Variants in NEGR1 observed in about 807,000 individuals in gnomAD.
The protein encoded by NEGR1 is neuronal growth regulator 1.
NEGR1 carries 10 observed loss-of-function variants against 40.9 expected under a neutral mutation model. That is an observed-to-expected ratio of 0.24 (90% CI 0.15 to 0.42). The LOEUF is 0.42. Ranked by LOEUF, NEGR1 falls within the 10% of genes least tolerant of loss-of-function variation. NEGR1 has a pLI of 1.00. For synonymous variants in NEGR1, 185 were observed against 166.8 expected, an observed-to-expected ratio of 1.11 and a Z score of -0.84; for missense variants, 352 against 438.9, an observed-to-expected ratio of 0.80 and a Z score of 1.77.
rs572497380 is a variant in NEGR1, at chr1:71,871,753, T to C, written c.409+63326A>G. The stretch of plus-strand genomic sequence containing the variant: ...TAGTTTTTATTGAGGCACAGATATA[T>C]TGTTTTTTTATTTGTTTCAGAAGAA... On this transcript the variant is annotated intron_variant, in intron 2 of 6. Transcript: ENST00000357731. 1.6e-3 allele frequency among the ~76,000 whole-genome samples: 239 copies of C among 152,318 alleles called. 2 individuals carry two copies. The highest frequency in any genetic ancestry group is 5.5e-3 in the African/African-American group (227 of 41,576).
chr1:71,997,179 C>T (rs528237153), intron 1 of NEGR1, among the ~76,000 whole-genome samples: 12 of 152,010 alleles, frequency 7.9e-5, no homozygotes, highest in African/African-American at 1.9e-4. Flanking sequence ...TGACTAAAAT[C>T]GAAGTTCTCA....
intron 2 of NEGR1, among the ~76,000 whole-genome samples, chr1:71,805,497 G>A (rs1309680077): frequency 6.6e-6 from 1 of 152,134 alleles, no homozygotes; most frequent in African/African-American, 2.4e-5. Flanking sequence ...AGGGAAAATA[G>A]ATAAGAACCT....
intron 2 of NEGR1, among the ~76,000 whole-genome samples, chr1:71,804,156 T>A (rs1429501711): frequency 6.6e-6 from 1 of 152,218 alleles, no homozygotes. Flanking sequence ...ATAAAGTTGG[T>A]ATTCTATGTA....
chr1:71,505,819 C>G (rs1355611610), intron 6 of NEGR1, among the ~76,000 whole-genome samples: 2 of 152,122 alleles, frequency 1.3e-5, no homozygotes, highest in African/African-American at 4.8e-5. Flanking sequence ...TGGATGAATT[C>G]CAACCTTCCA....
chr1:71,480,276 A>G (rs1646845653), intron 6 of NEGR1, among the ~76,000 whole-genome samples: 1 of 151,852 alleles, frequency 6.6e-6, no homozygotes, highest in Non-Finnish European at 1.5e-5. Flanking sequence ...AATTTTGGAG[A>G]CAAAGAAACT....
At chr1:72,272,296 G>T (rs976412552) in intron 1 of NEGR1, among the ~76,000 whole-genome samples, 13 of 151,544 alleles carry the variant, frequency 8.6e-5, no homozygotes, top group African/African-American at 2.9e-4. Context: ...TCAACATTCA[G>T]GTTTTGAACG....
chr1:72,156,249 T>C (rs1157734203), intron 1 of NEGR1, among the ~76,000 whole-genome samples: 4 of 152,164 alleles, frequency 2.6e-5, no homozygotes, highest in African/African-American at 9.7e-5. Context: ...AATAATCCTT[T>C]GGATTCCTGT....
At chr1:71,704,911 C>T (rs1455529031) in intron 3 of NEGR1, among the ~76,000 whole-genome samples, 4 of 151,556 alleles carry the variant, frequency 2.6e-5, no homozygotes, top group East Asian at 3.9e-4. Flanking sequence ...GATAATACAC[C>T]ATGATCAAGT....
At position 71,541,010 on chromosome 1, in the gene NEGR1, C is replaced by T. The variant is rs144023208; in HGVS notation, c.940+51807G>A. Among the ~76,000 whole-genome samples the T allele has an allele frequency of 2.6e-5, 4 of 151,662 alleles. No homozygotes were observed. The East Asian group carries it at 7.9e-4, about 30-fold the overall frequency. On this transcript the variant is annotated intron_variant, in intron 6 of 6. Transcript: ENST00000357731. ...TCATGAGAACTCACTATTGCAAAGA[C>T]AGCACCAAGCCATGAGGGATCCACC...
At chr1:71,851,701 C>T (rs1429908791) in intron 2 of NEGR1, among the ~76,000 whole-genome samples, 1 of 152,032 alleles carries the variant, frequency 6.6e-6, no homozygotes, top group Non-Finnish European at 1.5e-5. Context: ...AGAATCATTA[C>T]AGAAACTGTA....
intron 1 of NEGR1, among the ~76,000 whole-genome samples, chr1:72,153,892 T>C (rs1651257232): frequency 1.3e-5 from 2 of 151,814 alleles, no homozygotes; most frequent in Non-Finnish European, 2.9e-5. Flanking sequence ...TATGAAATTC[T>C]TATAATTTAA....
intron 6 of NEGR1, among the ~76,000 whole-genome samples, chr1:71,420,904 C>G (rs1646389689): frequency 6.6e-6 from 1 of 151,930 alleles, no homozygotes; most frequent in Non-Finnish European, 1.5e-5. Flanking sequence ...TATCCAAAGT[C>G]TAGACACATC....
In NEGR1 at chr1:72,017,519, GT is replaced by G. The variant is rs532588602; in HGVS notation, c.177-82209del. 2.7e-5 allele frequency among the ~76,000 whole-genome samples: 4 copies of G among 150,320 alleles called. No individual in the cohort carries two copies. In the South Asian group the frequency reaches 8.4e-4, roughly 32 times the overall value. ...TGGATAAAAAAATAAAAAATTGAGT[GT>G]TTGTACAAAACTCAAATGAACCTTT... On this transcript the variant is annotated intron_variant, in intron 1 of 6. Transcript: ENST00000357731.
At chr1:71,677,745 T>C (rs1217256127) in intron 4 of NEGR1, among the ~76,000 whole-genome samples, 1 of 152,190 alleles carries the variant, frequency 6.6e-6, no homozygotes, top group Admixed American at 6.5e-5. Context: ...TCCTTAAACA[T>C]AATTTACAAG....
At chr1:71,526,342 A>T (rs1160600225) in intron 6 of NEGR1, among the ~76,000 whole-genome samples, 1 of 151,592 alleles carries the variant, frequency 6.6e-6, no homozygotes, top group African/African-American at 2.4e-5. Context: ...ACTTTGCTTG[A>T]TGCCTCCTCA....
intron 2 of NEGR1, among the ~76,000 whole-genome samples, chr1:71,785,496 T>A (rs1443922657): frequency 2.6e-5 from 4 of 152,084 alleles, no homozygotes; most frequent in African/African-American, 7.2e-5. Context: ...CTTAAAAAAA[T>A]TTCTATTCCA....
intron 4 of NEGR1, among the ~76,000 whole-genome samples, chr1:71,664,395 A>G (rs1459677660): frequency 6.6e-6 from 1 of 152,132 alleles, no homozygotes; most frequent in Non-Finnish European, 1.5e-5. Context: ...TGTAATTTCT[A>G]TTATTTTCCA....
At chr1:72,214,945 C>A (rs1653745944) in intron 1 of NEGR1, among the ~76,000 whole-genome samples, 1 of 151,806 alleles carries the variant, frequency 6.6e-6, no homozygotes, top group Admixed American at 6.6e-5. Flanking sequence ...AAACTGGAGG[C>A]ATCATGCTAC....
intron 1 of NEGR1, among the ~76,000 whole-genome samples, chr1:72,242,463 T>C (rs985443070): frequency 6.6e-6 from 1 of 151,602 alleles, no homozygotes; most frequent in African/African-American, 2.4e-5. Flanking sequence ...GCCTCAGTTA[T>C]GCATAGCGAC....
Sources: allele counts gnomAD v4.1 joint callset (sites outside exome capture counted in the v4.1 genomes callset), GRCh38; gene constraint gnomAD v4.1.1; transcripts MANE v1.5; gene names NCBI Gene and HGNC (gene_info 2026-07-23, HGNC 2026-07-21).